Variants in ATAD1 observed in about 807,000 individuals in gnomAD.
ATAD1 encodes the protein outer mitochondrial transmembrane helix translocase.
In ATAD1, 18 loss-of-function variants were observed where a neutral mutation model predicts 42.7. The observed-to-expected ratio is 0.42, with a 90% CI of 0.29 to 0.63. The LOEUF is 0.63. Ranked by LOEUF, ATAD1 falls within the 20% of genes least tolerant of loss-of-function variation. The pLI is 0.19. For missense variants in ATAD1, 294 were observed against 440.4 expected (o/e 0.67, Z 2.98); for synonymous variants, 132 against 143.1 (o/e 0.92, Z 0.55).
chr10:87,800,882 A>G lies in ATAD1; in HGVS notation c.163-8127T>C, dbSNP rs185433429. ...AGGGACTATCATAGAAGAGGCGGGCATGTGAAATTGGAAGGCCCAATTTTG... is the reference window on the plus strand; with the variant it reads ...AGGGACTATCATAGAAGAGGCGGGCGTGTGAAATTGGAAGGCCCAATTTTG... On this transcript the variant is annotated intron_variant, in intron 2 of 9. Coordinates refer to ENST00000680024, the MANE Select transcript of ATAD1 (RefSeq NM_001321967.2). Among the ~76,000 whole-genome samples, 218 of 152,316 alleles carry G rather than the reference A, an allele frequency of 1.4e-3. 3 individuals are homozygous for G. Among genetic ancestry groups the G allele is most frequent in the Middle Eastern group, 6.8e-3 (2 of 294 alleles).
intron 2 of ATAD1, among the ~76,000 whole-genome samples, chr10:87,812,902 T>C (rs1857252178): frequency 6.6e-6 from 1 of 152,192 alleles, no homozygotes; most frequent in African/African-American, 2.4e-5. Flanking sequence ...CCACAATCAC[T>C]GGTGACTACT....
chr10:87,814,784 A>G (rs760987115), intron 1 of ATAD1, 172 bp from the exon 2 acceptor site: 3 of 433,394 alleles, frequency 6.9e-6, no homozygotes, highest in Non-Finnish European at 1.1e-5. Flanking sequence ...TTAAATGTTA[A>G]GTAAACAAAT....
intron 4 of ATAD1, among the ~76,000 whole-genome samples, chr10:87,788,037 G>A (rs1454966124): frequency 6.6e-6 from 1 of 152,076 alleles, no homozygotes; most frequent in Non-Finnish European, 1.5e-5. Context: ...ATTTTTAGAC[G>A]TTTGAGGGAA....
chr10:87,781,859 G>C (rs1855577788), intron 5 of ATAD1, among the ~76,000 whole-genome samples: 1 of 151,772 alleles, frequency 6.6e-6, no homozygotes, highest in Admixed American at 6.6e-5. Context: ...TGTCCAGGCT[G>C]GTCTCAAATT....
At chr10:87,778,190 A>AC (rs1039353093) in intron 5 of ATAD1, among the ~76,000 whole-genome samples, 1 of 150,346 alleles carries the variant, frequency 6.7e-6, no homozygotes, top group African/African-American at 2.4e-5. Flanking sequence ...AAAAAAAAAA[A>AC]AAAAAAAAAA....
intron 2 of ATAD1, among the ~76,000 whole-genome samples, chr10:87,810,244 A>T (rs1857119315): frequency 6.6e-6 from 1 of 151,890 alleles, no homozygotes; most frequent in Non-Finnish European, 1.5e-5. Context: ...ATAGCCAGGA[A>T]ATGTTAATAA....
chr10:87,792,570 G>A (rs764072575), intron 3 of ATAD1, 87 bp downstream of exon 3: 31 of 931,906 alleles, frequency 3.3e-5, no homozygotes, highest in Non-Finnish European at 4.2e-5. Flanking sequence ...CAAAGAACCC[G>A]GCCGTGATCT....
At chr10:87,772,770 C>T (rs898714771) in intron 6 of ATAD1, among the ~76,000 whole-genome samples, 7 of 152,012 alleles carry the variant, frequency 4.6e-5, no homozygotes, top group Non-Finnish European at 7.4e-5. Flanking sequence ...ATTGAAATCA[C>T]GTGTAGTTTC....
Position 87,753,017 on chromosome 10 carries a change from T to C in ATAD1, c.*1670A>G, listed in dbSNP as rs532897132. On this transcript the variant is annotated 3_prime_UTR_variant, in exon 10 of 10. Coordinates refer to ENST00000680024, the MANE Select transcript of ATAD1 (RefSeq NM_001321967.2). ...GTGCTATAGAAGTGTGAAAACTCCA[T>C]AGCAAGATAAAGTCTAAACACAAGT... The C allele has an allele frequency of 2.2e-4, 34 of 152,106 alleles. No individual in the cohort carries two copies. The highest frequency in any genetic ancestry group is 7.7e-4 in the African/African-American group (32 of 41,526). 9.4% of individuals were successfully genotyped at this position (152,106 alleles called of 1,614,324 possible).
chr10:87,774,034 A>G (rs1008724649), intron 6 of ATAD1, among the ~76,000 whole-genome samples: 1 of 152,194 alleles, frequency 6.6e-6, no homozygotes, highest in Admixed American at 6.5e-5. Context: ...AACAAAAGCT[A>G]AAGGCTGTTT....
chr10:87,808,054 TA>T (rs1857007440), intron 2 of ATAD1, among the ~76,000 whole-genome samples: 1 of 152,228 alleles, frequency 6.6e-6, no homozygotes. Context: ...ATGCTTTTTT[TA>T]AATGACATTT....
intron 4 of ATAD1, among the ~76,000 whole-genome samples, chr10:87,789,375 A>G (rs7910692): frequency 0.29 from 44,617 of 151,984 alleles, 6,754 homozygotes; most frequent in Middle Eastern, 0.31. Flanking sequence ...TCTCACTGTA[A>G]ATTATTTACA....
At chr10:87,833,712 CTCTT>C (rs942645814) in intron 1 of ATAD1, among the ~76,000 whole-genome samples, 9 of 141,638 alleles carry the variant, frequency 6.4e-5, no homozygotes, top group African/African-American at 2.3e-4. Context: ...CTTTCTCTCT[CTCTT>C]TCTTTCTTTC....
At chr10:87,811,545 G>A (rs1027573484) in intron 2 of ATAD1, among the ~76,000 whole-genome samples, 4 of 151,912 alleles carry the variant, frequency 2.6e-5, no homozygotes, top group African/African-American at 7.3e-5. Flanking sequence ...CACCTCTTTT[G>A]GAGACTTCAT....
rs150294718 is a variant in ATAD1 at position 87,775,634 on chromosome 10, C to A, written c.690+687G>T. 3.2e-3 allele frequency among the ~76,000 whole-genome samples: 485 copies of A among 150,812 alleles called. 6 individuals carry two copies. In the Middle Eastern group the frequency reaches 0.081, roughly 25 times the overall value. On this transcript the variant is annotated intron_variant, in intron 6 of 9. Transcript: ENST00000680024. ...ACTTTCTTTTAAACCACTAAGCTGA[C>A]AAGAAAGCACAGAATATTCAGAGGC...
At chr10:87,835,955 T>A (rs75179454) in intron 1 of ATAD1, among the ~76,000 whole-genome samples, 1 of 152,218 alleles carries the variant, frequency 6.6e-6, no homozygotes. Flanking sequence ...TCCCTCTTTA[T>A]GTTGCAGTTG....
chr10:87,771,197 G>T (rs1008209714), intron 6 of ATAD1, among the ~76,000 whole-genome samples, 156 bp from the exon 7 acceptor site: 18 of 151,938 alleles, frequency 1.2e-4, no homozygotes, highest in African/African-American at 4.4e-4. Flanking sequence ...ACTATTTACA[G>T]GTATAAATTG....
At chr10:87,768,904 G>T (rs1854897198) in intron 7 of ATAD1, among the ~76,000 whole-genome samples, 1 of 152,114 alleles carries the variant, frequency 6.6e-6, no homozygotes, top group South Asian at 2.1e-4. Flanking sequence ...GCAACATAGT[G>T]AGACCCGTCT....
At chr10:87,811,523 GCTGCATTACACCACCT>G (rs1307144817) in intron 2 of ATAD1, among the ~76,000 whole-genome samples, 1 of 152,004 alleles carries the variant, frequency 6.6e-6, no homozygotes, top group Non-Finnish European at 1.5e-5. Flanking sequence ...TACCAATTAT[GCTGCATTACACCACCT>G]CTTTTGGAGA....
Sources: allele counts gnomAD v4.1 joint callset (sites outside exome capture counted in the v4.1 genomes callset), GRCh38; gene constraint gnomAD v4.1.1; transcripts MANE v1.5; gene names NCBI Gene and HGNC (gene_info 2026-07-23, HGNC 2026-07-21).